SLC35D2: variants seen among roughly 807,000 people sequenced by gnomAD.
SLC35D2 encodes the protein nucleotide sugar transporter SLC35D2.
SLC35D2 carries 43 observed loss-of-function variants against 41.8 expected under a neutral mutation model. The observed-to-expected ratio is 1.03, with a 90% CI of 0.81 to 1.33. The LOEUF (loss-of-function observed/expected upper bound fraction) is 1.33, where lower values mean the gene tolerates loss of function less well. SLC35D2 is among the 40% of genes most tolerant of loss of function. The probability of loss-of-function intolerance (pLI) is 0.00; values close to 1 mark genes in which losing one functional copy is unlikely to be tolerated. For missense variants in SLC35D2, 380 were observed against 408.4 expected, an observed-to-expected ratio of 0.93 and a Z score of 0.60; for synonymous variants, 150 against 163.9, an observed-to-expected ratio of 0.92 and a Z score of 0.65.
chr9:96,372,768 T>C (rs1337686680), intron 1 of SLC35D2, among the ~76,000 whole-genome samples: 3 of 150,822 alleles, frequency 2.0e-5, no homozygotes, highest in African/African-American at 4.9e-5. Flanking sequence ...GTATTTTTAG[T>C]AGAAACGGGG....
Position 96,334,110 on chromosome 9 carries a change from C to T in SLC35D2, c.752+2607G>A, listed in dbSNP as rs903861749. ...AGTGCTCTAAGGCAGCAGTCCCCAACCTTTTTGGCACCAGGGACCGGTTTT... is the reference window on the plus strand; with the variant it reads ...AGTGCTCTAAGGCAGCAGTCCCCAATCTTTTTGGCACCAGGGACCGGTTTT... On this transcript the variant is annotated intron_variant, in intron 9 of 11. Transcript: ENST00000253270. Among the ~76,000 whole-genome samples the T allele has an allele frequency of 2.6e-5, 4 of 152,202 alleles. No individual in the cohort carries two copies. In the South Asian group the frequency reaches 8.3e-4, roughly 32 times the overall value.
chr9:96,364,671 T>G lies in SLC35D2; in HGVS notation c.193-121A>C, dbSNP rs1038012679. The G allele has an allele frequency of 3.5e-5, 25 of 709,668 alleles. No individual in the cohort carries two copies. The African/African-American group carries it at 4.1e-4, about 12-fold the overall frequency. The allele number at this position is 709,668 out of a possible 1,614,324, so 44.0% of individuals were successfully genotyped here. A position where few individuals can be genotyped will look rare whatever the true frequency, so the allele number is the denominator to read the frequency against. On this transcript the variant is annotated intron_variant, in intron 2 of 11. Coordinates refer to ENST00000253270, the MANE Select transcript of SLC35D2 (RefSeq NM_007001.3). ...GAAATATAGCAAAAAATTCATTTTC[T>G]AGGTTCCAGAAAAAAATAACTATTT...
At chr9:96,356,778 G>A (rs1338713866) in intron 4 of SLC35D2, among the ~76,000 whole-genome samples, 1 of 151,238 alleles carries the variant, frequency 6.6e-6, no homozygotes, top group African/African-American at 2.4e-5. Flanking sequence ...GGGAGGCTGA[G>A]GTGGGAGGAT....
intron 8 of SLC35D2, among the ~76,000 whole-genome samples, chr9:96,343,604 TC>T (rs1376805065): frequency 2.6e-5 from 4 of 152,152 alleles, no homozygotes; most frequent in African/African-American, 9.7e-5. Flanking sequence ...TAAGTAGCTC[TC>T]CCAGGGTCCC....
chr9:96,339,743 C>T (rs572108968), intron 8 of SLC35D2, among the ~76,000 whole-genome samples: 3 of 152,156 alleles, frequency 2.0e-5, no homozygotes, highest in African/African-American at 4.8e-5. Flanking sequence ...AAAGTTCACC[C>T]GCTGAGTATT....
rs538461913 is a variant in SLC35D2, at chr9:96,315,152, C to G, written c.*1036-253G>C. The stretch of plus-strand genomic sequence containing the variant: ...CTTTTTCTTTAAAGACAAGGTCTTC[C>G]TTTGTCACCCAGGCTGAAGTGCAGT... On this transcript the variant is annotated intron_variant and NMD_transcript_variant, in intron 11 of 11. Coordinates refer to the SLC35D2 transcript ENST00000650065. Among the ~76,000 whole-genome samples the G allele has an allele frequency of 2.6e-5, 4 of 152,272 alleles. No homozygotes were observed. In the East Asian group the frequency reaches 7.7e-4, roughly 29 times the overall value.
intron 10 of SLC35D2, among the ~76,000 whole-genome samples, chr9:96,323,022 CTTTT>C (rs869071613): frequency 1.5e-5 from 2 of 133,206 alleles, no homozygotes; most frequent in Non-Finnish European, 1.6e-5. Flanking sequence ...CCTGGTTTTT[CTTTT>C]TTTTTTTTTT....
chr9:96,362,563 A>G (rs1830319020), intron 3 of SLC35D2, among the ~76,000 whole-genome samples: 1 of 152,130 alleles, frequency 6.6e-6, no homozygotes, highest in African/African-American at 2.4e-5. Flanking sequence ...ATAATTACAA[A>G]GAAAGCAAGA....
At chr9:96,318,170 A>G (rs898979818), downstream of SLC35D2, among the ~76,000 whole-genome samples, 3 of 151,988 alleles carry the variant, frequency 2.0e-5, no homozygotes, top group African/African-American at 7.3e-5. Context: ...TCTTAAAAGC[A>G]CATTGAAGGC....
chr9:96,349,764 G>A (rs554063507), intron 6 of SLC35D2, among the ~76,000 whole-genome samples: 2 of 152,120 alleles, frequency 1.3e-5, no homozygotes, highest in Non-Finnish European at 2.9e-5. Context: ...GACTTCAGGT[G>A]ATGCACCCGC....
intron 9 of SLC35D2, among the ~76,000 whole-genome samples, chr9:96,333,503 G>A (rs1197140187): frequency 6.6e-6 from 1 of 151,202 alleles, no homozygotes; most frequent in African/African-American, 2.4e-5. Context: ...GCTGAGGCAG[G>A]AGAATGGCGT....
rs966715610 is a variant in SLC35D2, at chr9:96,315,624, G to A, written c.*1036-725C>T. Among the ~76,000 whole-genome samples the A allele has an allele frequency of 5.9e-5, 9 of 151,990 alleles. 1 individual carries two copies. The highest frequency in any genetic ancestry group is 3.4e-3 in the Middle Eastern group (1 of 294). ...AATTTTTTGTATTTTTAGTAGTGAC[G>A]GGGTTTCACCATGTTAGCCGGGATG... On this transcript the variant is annotated intron_variant and NMD_transcript_variant, in intron 11 of 11. Transcript: ENST00000650065.
chr9:96,383,686 T>C lies in SLC35D2; in HGVS notation c.-52A>G, dbSNP rs1204031766. ...CCCGCCAGCCCCGGCTGCGCACTGG[T>C]CCCGCCCGGCCGGGCCGGGGAAGAG... On this transcript the variant is annotated 5_prime_UTR_variant, in exon 1 of 12. Transcript: ENST00000253270. 5.1e-6 allele frequency: 5 copies of C among 977,596 alleles called. No homozygotes were observed. Among genetic ancestry groups the C allele is most frequent in the Non-Finnish European group, 1.2e-6 (1 of 821,522 alleles). 60.6% of individuals were successfully genotyped at this position (977,596 alleles called of 1,614,324 possible).
intron 2 of SLC35D2, 51 bp from the exon 3 acceptor site, chr9:96,364,601 T>G (rs776085466): frequency 9.5e-7 from 1 of 1,054,394 alleles, no homozygotes; most frequent in Non-Finnish European, 1.5e-6. Flanking sequence ...CAAAGATTGC[T>G]TGAGGTACAA....
Position 96,345,304 on chromosome 9 carries a change from G to A in SLC35D2, c.586C>T (p.Pro196Ser). 5 of 1,586,090 alleles carry A rather than the reference G, an allele frequency of 3.2e-6. No individual in the cohort carries two copies. The highest frequency in any genetic ancestry group is 4.3e-6 in the Non-Finnish European group (5 of 1,158,502). Residue 196 changes from proline to serine, a missense_variant, in exon 7 of 12, where the codon CCA becomes TCA. Transcript: ENST00000253270. ...NGVYTKQKMD[P>S]KELGKYGVLF... ...CCATAGGCAAGGTCTGGTACCTTTGGGTCCATTTTCTGTTTGGTATAAACT... is the reference window on the plus strand; with the variant it reads ...CCATAGGCAAGGTCTGGTACCTTTGAGTCCATTTTCTGTTTGGTATAAACT...
intron 5 of SLC35D2, among the ~76,000 whole-genome samples, chr9:96,351,417 G>A (rs1209665317): frequency 6.6e-6 from 1 of 151,332 alleles, no homozygotes; most frequent in Non-Finnish European, 1.5e-5. Flanking sequence ...AGAGATACTG[G>A]GACAAAATAC....
intron 4 of SLC35D2, among the ~76,000 whole-genome samples, chr9:96,354,288 C>T (rs112884832): frequency 9.9e-4 from 150 of 152,262 alleles, no homozygotes; most frequent in African/African-American, 3.2e-3. Context: ...AAAAAACAAA[C>T]ATCTCATTTG....
intron 3 of SLC35D2, among the ~76,000 whole-genome samples, chr9:96,362,846 T>C (rs191202238): frequency 6.8e-6 from 1 of 146,388 alleles, no homozygotes; most frequent in East Asian, 1.9e-4. Context: ...TGTATTTTTC[T>C]CTTTTTCTGG....
chr9:96,360,296 G>T, intron 3 of SLC35D2, 75 bp from the exon 4 acceptor site: 1 of 1,138,630 alleles, frequency 8.8e-7, no homozygotes, highest in South Asian at 1.3e-5. Flanking sequence ...TAAAAATGGT[G>T]ACAGATACTT....
Sources: gnomAD v4.1 joint callset for allele counts (sites outside exome capture counted in the v4.1 genomes callset) on GRCh38, gnomAD v4.1.1 for gene constraint, MANE v1.5 for transcripts, NCBI Gene and HGNC (gene_info 2026-07-23, HGNC 2026-07-21) for gene names.